LRBA: variants seen among roughly 807,000 people sequenced by gnomAD.
LRBA encodes the protein LPS responsive beige-like anchor protein.
LRBA carries 176 observed loss-of-function variants against 330.0 expected under a neutral mutation model. The observed-to-expected ratio is 0.53, with a 90% CI of 0.47 to 0.60. LRBA has a LOEUF of 0.60. Among genes scored for constraint, LRBA ranks in the 20% least tolerant of loss-of-function variants. LRBA has a pLI of 0.00. For missense variants in LRBA, 3,259 were observed against 3,444.8 expected, an observed-to-expected ratio of 0.95 and a Z score of 1.35; for synonymous variants, 1,230 against 1,193.0, an observed-to-expected ratio of 1.03 and a Z score of -0.64.
At chr4:150,781,606 C>A (rs920330615) in intron 34 of LRBA, among the ~76,000 whole-genome samples, 1 of 152,162 alleles carries the variant, frequency 6.6e-6, no homozygotes, top group Non-Finnish European at 1.5e-5. Context: ...GTTTGATCTA[C>A]AACATAACTG....
At chr4:150,954,923 C>T (rs1013615284) in intron 2 of LRBA, among the ~76,000 whole-genome samples, 1 of 141,500 alleles carries the variant, frequency 7.1e-6, no homozygotes, top group Non-Finnish European at 1.5e-5. Context: ...GGAAACTCAA[C>T]AAATATATGG....
chr4:150,398,914 C>A (rs957270375), intron 47 of LRBA, among the ~76,000 whole-genome samples: 1 of 152,164 alleles, frequency 6.6e-6, no homozygotes, highest in African/African-American at 2.4e-5. Context: ...AGGTGTGAGC[C>A]ACCATGCCCA....
chr4:150,929,729 T>C (rs1223789117), intron 2 of LRBA, among the ~76,000 whole-genome samples: 1 of 152,178 alleles, frequency 6.6e-6, no homozygotes, highest in African/African-American at 2.4e-5. Flanking sequence ...TTTAAATAAA[T>C]CGTAATTGTG....
intron 44 of LRBA, among the ~76,000 whole-genome samples, chr4:150,461,478 T>TA (rs1472288185): frequency 6.6e-6 from 1 of 151,760 alleles, no homozygotes; most frequent in Admixed American, 6.6e-5. Context: ...GTTGAAAACT[T>TA]AGTGTTCAAA....
At chr4:150,738,858 A>C (rs1731569022) in intron 35 of LRBA, among the ~76,000 whole-genome samples, 1 of 152,102 alleles carries the variant, frequency 6.6e-6, no homozygotes, top group African/African-American at 2.4e-5. Flanking sequence ...AGAAGGAAAA[A>C]AAAAAGAAAC....
chr4:150,335,829 G>A (rs1734656344), intron 48 of LRBA, among the ~76,000 whole-genome samples: 1 of 152,006 alleles, frequency 6.6e-6, no homozygotes, highest in African/African-American at 2.4e-5. Context: ...CTGAGTAGCA[G>A]GGAGCCACAG....
chr4:150,989,029 G>C (rs1047123871), intron 2 of LRBA, among the ~76,000 whole-genome samples: 1 of 151,898 alleles, frequency 6.6e-6, no homozygotes, highest in Admixed American at 6.6e-5. Context: ...TTGAGACAGA[G>C]TCTCACTCTG....
intron 48 of LRBA, among the ~76,000 whole-genome samples, chr4:150,338,854 A>G (rs987890932): frequency 6.6e-6 from 1 of 152,106 alleles, no homozygotes; most frequent in Non-Finnish European, 1.5e-5. Flanking sequence ...TGAGGATGAG[A>G]GCTTTCTAGT....
At chr4:150,458,942 A>C (rs978920669) in intron 44 of LRBA, among the ~76,000 whole-genome samples, 1 of 151,976 alleles carries the variant, frequency 6.6e-6, no homozygotes, top group Non-Finnish European at 1.5e-5. Flanking sequence ...ATTTTTAAGA[A>C]TGAGACACTG....
chr4:150,748,889 G>A (rs754445029), intron 35 of LRBA, among the ~76,000 whole-genome samples: 7 of 152,040 alleles, frequency 4.6e-5, no homozygotes, highest in East Asian at 1.9e-4. Flanking sequence ...CTGCCCTTTC[G>A]GCTTCCACCA....
chr4:150,609,994 T>A (rs185892308), intron 37 of LRBA, among the ~76,000 whole-genome samples: 1 of 152,178 alleles, frequency 6.6e-6, no homozygotes, highest in South Asian at 2.1e-4. Flanking sequence ...CTCTGTACTT[T>A]AATAAATTCA....
intron 30 of LRBA, among the ~76,000 whole-genome samples, chr4:150,819,432 C>G (rs1257725265): frequency 1.3e-5 from 2 of 151,118 alleles, no homozygotes; most frequent in Non-Finnish European, 3.0e-5. Context: ...AAAAAAAAAA[C>G]TGTATTCATC....
In LRBA at chr4:150,458,784, G is replaced by GT. The variant is rs200385223; in HGVS notation, c.6780+8888dup. ...CCTTTATCTGAAAATATTTATTCTAGTTTTTTTTTTTTTAAAAAAACACTT... is the reference window on the plus strand; with the variant it reads ...CCTTTATCTGAAAATATTTATTCTAGTTTTTTTTTTTTTTAAAAAAACACTT... On this transcript the variant is annotated intron_variant, in intron 44 of 56. Coordinates refer to ENST00000651943, the MANE Select transcript of LRBA (RefSeq NM_001364905.1). Among the ~76,000 whole-genome samples, 157 of 144,874 alleles carry GT rather than the reference G, an allele frequency of 1.1e-3. 1 individual carries two copies. The highest frequency in any genetic ancestry group is 7.2e-3 in the Middle Eastern group (2 of 276).
intron 37 of LRBA, among the ~76,000 whole-genome samples, chr4:150,640,401 AT>A (rs2126720437): frequency 6.6e-6 from 1 of 152,312 alleles, no homozygotes; most frequent in East Asian, 1.9e-4. Context: ...TAGCATAGTT[AT>A]GTTCGTACTT....
chr4:150,315,354 A>C, intron 51 of LRBA: 1 of 630,078 alleles, frequency 1.6e-6, no homozygotes, highest in South Asian at 1.9e-5. Context: ...CACGCGTCCT[A>C]GGCCTGTTCA....
intron 14 of LRBA, 137 bp downstream of exon 14, chr4:150,899,912 G>A (rs1730534597): frequency 3.6e-6 from 2 of 556,342 alleles, no homozygotes; most frequent in East Asian, 2.9e-5. Flanking sequence ...CATTATCAAT[G>A]AGATTAAAAT....
intron 34 of LRBA, among the ~76,000 whole-genome samples, chr4:150,785,170 A>G (rs1336592203): frequency 6.6e-6 from 1 of 152,098 alleles, no homozygotes; most frequent in Non-Finnish European, 1.5e-5. Context: ...TGGATTGGGG[A>G]TGAAATCATA....
intron 47 of LRBA, among the ~76,000 whole-genome samples, chr4:150,363,705 GC>G (rs2151848337): frequency 6.6e-6 from 1 of 152,206 alleles, no homozygotes; most frequent in South Asian, 2.1e-4. Flanking sequence ...TCTCATAATG[GC>G]AGCCCCAAAG....
chr4:150,544,867 T>C (rs1009905335), intron 40 of LRBA, among the ~76,000 whole-genome samples: 1 of 152,208 alleles, frequency 6.6e-6, no homozygotes, highest in Non-Finnish European at 1.5e-5. Flanking sequence ...GAATATAAAA[T>C]GTTCTGATAA....
Sources: gnomAD v4.1 joint callset for allele counts (sites outside exome capture counted in the v4.1 genomes callset) on GRCh38, gnomAD v4.1.1 for gene constraint, MANE v1.5 for transcripts, NCBI Gene and HGNC (gene_info 2026-07-23, HGNC 2026-07-21) for gene names.